Variants in EPS8L2 observed in about 807,000 individuals in gnomAD.
EPS8L2 encodes EPS8 signaling adaptor L2.
A neutral mutation model predicts 99.4 loss-of-function variants in EPS8L2; 81 were observed. That is an observed-to-expected ratio of 0.82 (90% CI 0.68 to 0.98). EPS8L2 has a LOEUF of 0.98. Ranked by LOEUF, EPS8L2 falls within the 50% of genes least tolerant of loss-of-function variation. The pLI is 0.00. For missense variants in EPS8L2, 1,155 were observed against 968.8 expected, an observed-to-expected ratio of 1.19 and a Z score of -2.55; for synonymous variants, 509 against 407.3, an observed-to-expected ratio of 1.25 and a Z score of -3.01.
intron 9 of EPS8L2, 29 bp from the exon 10 acceptor site, chr11:721,536 G>A: frequency 6.5e-7 from 1 of 1,529,818 alleles, no homozygotes; most frequent in Non-Finnish European, 8.8e-7. Flanking sequence ...GAGTGTCAGG[G>A]GCTGACCCCT....
intron 16 of EPS8L2, among the ~76,000 whole-genome samples, chr11:725,165 G>A (rs150858155): frequency 9.1e-4 from 138 of 152,306 alleles, no homozygotes; most frequent in African/African-American, 2.6e-3. Context: ...TCTGCCAGCC[G>A]GAATCCAGGC....
chr11:709,093 C>A (rs918137079), intron 1 of EPS8L2: 1 of 478,506 alleles, frequency 2.1e-6, no homozygotes, highest in Admixed American at 3.7e-5. Flanking sequence ...GCCTCCCAGT[C>A]AGCCTCTGGG....
In EPS8L2 at chr11:725,769, C is replaced by A; in HGVS notation, c.1602C>A (p.Arg534=). ...DGRQWWKLRS[R]SGQAGYVPCN... Reference sequence around the variant, plus strand: ...GGCAGTGGTGGAAGCTGCGCAGCCGCAGCGGCCAGGCGGGGTACGTGCCCT... The same window carrying A: ...GGCAGTGGTGGAAGCTGCGCAGCCGAAGCGGCCAGGCGGGGTACGTGCCCT... Residue 534 remains arginine, a synonymous_variant, in exon 17 of 21, where the codon CGC becomes CGA. Transcript: ENST00000318562. 1 of 1,356,520 alleles carries A rather than the reference C, an allele frequency of 7.4e-7. No individual in the cohort carries two copies. Among genetic ancestry groups the A allele is most frequent in the South Asian group, 2.0e-5 (1 of 49,324 alleles). The allele number at this position is 1,356,520 out of a possible 1,614,324, so 84.0% of individuals were successfully genotyped here.
intron 16 of EPS8L2, among the ~76,000 whole-genome samples, 178 bp downstream of exon 16, chr11:725,007 C>T (rs1346286598): frequency 6.6e-6 from 1 of 152,246 alleles, no homozygotes; most frequent in African/African-American, 2.4e-5. Flanking sequence ...GATCCCCAGC[C>T]TGTTGGAGGG....
At position 709,460 on chromosome 11, in the gene EPS8L2, T is replaced by TCCCCC; in HGVS notation, c.44+12_44+13insCCCCC. Reference sequence around the variant, plus strand: ...TGCCCGGGTGCCACCAAGTGAGCCCTCCCACCCATCCCGAATACCCCACCC... The same window carrying TCCCCC: ...TGCCCGGGTGCCACCAAGTGAGCCCTCCCCCCCCACCCATCCCGAATACCCCACCC... On this transcript the variant is annotated intron_variant, in intron 2 of 20. Transcript: ENST00000318562. 9.8e-7 allele frequency: 1 copy of TCCCCC among 1,018,894 alleles called. No homozygotes were observed. 63.1% of individuals were successfully genotyped at this position (1,018,894 alleles called of 1,614,324 possible). A position where few individuals can be genotyped will look rare whatever the true frequency, so the allele number is the denominator to read the frequency against.
At chr11:707,112 C>T (rs1247199297) in intron 1 of EPS8L2, among the ~76,000 whole-genome samples, 1 of 151,906 alleles carries the variant, frequency 6.6e-6, no homozygotes, top group African/African-American at 2.4e-5. Flanking sequence ...GCGGCGGCCC[C>T]TCCCCTCGCG....
intron 1 of EPS8L2, among the ~76,000 whole-genome samples, chr11:708,204 G>A (rs1485413903): frequency 6.6e-6 from 1 of 152,196 alleles, no homozygotes; most frequent in African/African-American, 2.4e-5. Flanking sequence ...GGAGGCAGAT[G>A]GTGTGGACCT....
chr11:718,225 C>T (rs537991153), intron 4 of EPS8L2, among the ~76,000 whole-genome samples: 48 of 151,920 alleles, frequency 3.2e-4, no homozygotes, highest in African/African-American at 9.4e-4. Flanking sequence ...CCCACGTACT[C>T]GGGAAGCTGA....
chr11:723,495 G>T, intron 15 of EPS8L2, 142 bp downstream of exon 15: 1 of 444,168 alleles, frequency 2.3e-6, no homozygotes, highest in Non-Finnish European at 4.1e-6. Context: ...GATTTGAAGC[G>T]GTTTTCATTT....
chr11:725,698 G>A (rs2133539674), intron 16 of EPS8L2, 30 bp from the exon 17 acceptor site: 1 of 1,308,676 alleles, frequency 7.6e-7, no homozygotes, highest in South Asian at 2.4e-5. Flanking sequence ...GAGCCTGGGT[G>A]TGGGGAGGGG....
intron 4 of EPS8L2, among the ~76,000 whole-genome samples, chr11:718,359 CA>C (rs1398982171): frequency 6.6e-6 from 1 of 151,762 alleles, no homozygotes; most frequent in African/African-American, 2.4e-5. Context: ...AACAAACAAA[CA>C]AAAAAACCCG....
rs956516583 is a variant in EPS8L2 at position 721,351 on chromosome 11, C to T, written c.767C>T (p.Thr256Met). Residue 256 changes from threonine to methionine, a missense_variant and splice_region_variant, in exon 9 of 21, where the codon ACG becomes ATG. By Grantham distance (81) the Thr-to-Met change is moderately conservative (BLOSUM62 -1). Transcript: ENST00000318562. ...AVLAQKIEKETQILNCALDDI... is the reference protein window; with the variant it reads ...AVLAQKIEKEMQILNCALDDI... ...CTGGCTCAGAAGATAGAGAAGGAGA[C>T]GGTGGGTGCCCGGGCCCGGCAGGTG... 2.6e-6 allele frequency: 4 copies of T among 1,538,834 alleles called. No homozygotes were observed. Among genetic ancestry groups the T allele is most frequent in the Non-Finnish European group, 3.5e-6 (4 of 1,146,056 alleles).
At chr11:721,011 G>GGGA (rs1455749959) in intron 7 of EPS8L2, 53 bp from the exon 8 acceptor site, 2 of 1,497,412 alleles carry the variant, frequency 1.3e-6, no homozygotes, top group East Asian at 4.9e-5. Flanking sequence ...CGGCAGGGAG[G>GGGA]GAGGGTCAGG....
At chr11:719,226 C>T (rs1433088865) in intron 4 of EPS8L2, among the ~76,000 whole-genome samples, 1 of 152,252 alleles carries the variant, frequency 6.6e-6, no homozygotes, top group Non-Finnish European at 1.5e-5. Context: ...CTCGGCCTCC[C>T]GCAGTGCTGG....
chr11:710,839 C>CG (rs1024776749), intron 4 of EPS8L2, among the ~76,000 whole-genome samples: 1 of 152,150 alleles, frequency 6.6e-6, no homozygotes, highest in Non-Finnish European at 1.5e-5. Context: ...CCCACGGGGC[C>CG]GGGGGAGGCC....
rs1862257142 is a variant in EPS8L2 at position 724,069 on chromosome 11, TG to T, written c.1455-653del. 1.3e-5 allele frequency among the ~76,000 whole-genome samples: 2 copies of T among 152,196 alleles called. No individual in the cohort carries two copies. The highest frequency in any genetic ancestry group is 4.1e-4 in the South Asian group (2 of 4,828). On this transcript the variant is annotated intron_variant, in intron 15 of 20. Transcript: ENST00000318562. The surrounding 1 kb of genome is among the most constrained non-coding windows in gnomAD (Gnocchi z 5.5). ...ACTTCAGCTCCTGGTCTGTCCACCC[TG>T]GCCATGTCCTGACAGTCCATGGCCA...
At chr11:718,851 G>C (rs1156855203) in intron 4 of EPS8L2, among the ~76,000 whole-genome samples, 1 of 150,762 alleles carries the variant, frequency 6.6e-6, no homozygotes, top group Non-Finnish European at 1.5e-5. Flanking sequence ...TGTATTTTTA[G>C]TAGAGACGGG....
At chr11:723,398 A>G (rs766080682) in intron 15 of EPS8L2, 45 bp downstream of exon 15, 6 of 854,614 alleles carry the variant, frequency 7.0e-6, no homozygotes, top group Non-Finnish European at 9.0e-6. Flanking sequence ...GAAACCCTTC[A>G]GAACCTACAG....
At chr11:719,975 C>A in intron 4 of EPS8L2, 87 bp from the exon 5 acceptor site, 1 of 1,418,990 alleles carries the variant, frequency 7.0e-7, no homozygotes, top group Non-Finnish European at 9.5e-7. Context: ...GCTGTGGCCC[C>A]TCAGCCCCTC....
Sources: allele counts gnomAD v4.1 joint callset (sites outside exome capture counted in the v4.1 genomes callset), GRCh38; gene constraint gnomAD v4.1.1; non-coding constraint Gnocchi (gnomAD v3.1); transcripts MANE v1.5; gene names NCBI Gene and HGNC (gene_info 2026-07-23, HGNC 2026-07-21).